FHIT: variants seen among roughly 807,000 people sequenced by gnomAD.
The protein encoded by FHIT is bis(5'-adenosyl)-triphosphatase.
In FHIT, 19 loss-of-function variants were observed where a neutral mutation model predicts 17.9. The observed-to-expected ratio is 1.06, with a 90% confidence interval of 0.74 to 1.56. The LOEUF (loss-of-function observed/expected upper bound fraction) is 1.56. FHIT is among the 40% of genes most tolerant of loss of function. The probability of loss-of-function intolerance (pLI) is 0.00; values close to 1 mark genes in which losing one functional copy is unlikely to be tolerated. For missense variants in FHIT, 248 were observed against 189.2 expected, an observed-to-expected ratio of 1.31 and a Z score of -1.82; for synonymous variants, 81 against 69.7, an observed-to-expected ratio of 1.16 and a Z score of -0.81.
chr3:60,036,480 T>C (rs907375028), intron 5 of FHIT, among the ~76,000 whole-genome samples: 1 of 152,158 alleles, frequency 6.6e-6, no homozygotes, highest in Non-Finnish European at 1.5e-5. Flanking sequence ...GAGAGTTTCA[T>C]CTCCAAAGAC....
chr3:60,370,771 T>A (rs1700294506), intron 5 of FHIT, among the ~76,000 whole-genome samples: 2 of 152,200 alleles, frequency 1.3e-5, no homozygotes, highest in South Asian at 4.1e-4. Flanking sequence ...TCCCACAGCC[T>A]TCAAACTGGT....
intron 1 of FHIT, among the ~76,000 whole-genome samples, chr3:61,214,300 C>T (rs575542796): frequency 1.1e-3 from 162 of 152,124 alleles, no homozygotes; most frequent in Non-Finnish European, 1.6e-3. Flanking sequence ...ATCAAATAGA[C>T]GCAGTAAAAA....
intron 5 of FHIT, among the ~76,000 whole-genome samples, chr3:60,045,115 T>A (rs1393387490): frequency 6.6e-6 from 1 of 152,186 alleles, no homozygotes; most frequent in African/African-American, 2.4e-5. Context: ...TTTCGTAAGA[T>A]GAGTGAGTTC....
At chr3:60,811,845 C>G (rs1701579380) in intron 4 of FHIT, among the ~76,000 whole-genome samples, 1 of 152,028 alleles carries the variant, frequency 6.6e-6, no homozygotes, top group Non-Finnish European at 1.5e-5. Context: ...TTTCTAAGAT[C>G]ATTGTAAAGA....
intron 5 of FHIT, among the ~76,000 whole-genome samples, chr3:60,192,832 C>T (rs1458999839): frequency 6.6e-6 from 1 of 152,266 alleles, no homozygotes; most frequent in African/African-American, 2.4e-5. Flanking sequence ...TTTTCGTAAC[C>T]ACGATCCACA....
At chr3:60,083,190 A>G (rs1412154929) in intron 5 of FHIT, among the ~76,000 whole-genome samples, 1 of 152,150 alleles carries the variant, frequency 6.6e-6, no homozygotes, top group Non-Finnish European at 1.5e-5. Flanking sequence ...ATAGTTAGCC[A>G]GCTATCCCAG....
At chr3:60,253,185 C>G (rs1174597271) in intron 5 of FHIT, among the ~76,000 whole-genome samples, 1 of 152,116 alleles carries the variant, frequency 6.6e-6, no homozygotes, top group Non-Finnish European at 1.5e-5. Context: ...AAAATGCCTA[C>G]TGCCAAAAAA....
chr3:61,200,984 T>C, intron 1 of FHIT, among the ~76,000 whole-genome samples: 1 of 121,548 alleles, frequency 8.2e-6, no homozygotes, highest in East Asian at 3.0e-4. Flanking sequence ...TAAACATGAG[T>C]GTGACATACT....
intron 4 of FHIT, among the ~76,000 whole-genome samples, chr3:60,764,449 A>C (rs911893341): frequency 6.6e-6 from 1 of 151,752 alleles, no homozygotes; most frequent in Admixed American, 6.6e-5. Context: ...CTGCATTAAC[A>C]ATGGAACAGT....
At chr3:60,125,121 A>G (rs2107239122) in intron 5 of FHIT, among the ~76,000 whole-genome samples, 1 of 152,334 alleles carries the variant, frequency 6.6e-6, no homozygotes, top group South Asian at 2.1e-4. Flanking sequence ...CACTCTGTGG[A>G]GAAATCCAGC....
chr3:60,978,130 T>A (rs905036595), intron 3 of FHIT, among the ~76,000 whole-genome samples: 1 of 152,220 alleles, frequency 6.6e-6, no homozygotes, highest in Non-Finnish European at 1.5e-5. Flanking sequence ...AGTTAACACC[T>A]GGGCAATCAT....
In FHIT at chr3:60,142,555, G is replaced by A. The variant is rs188015495; in HGVS notation, c.104-128403C>T. Among the ~76,000 whole-genome samples the A allele has an allele frequency of 9.2e-5, 14 of 152,232 alleles. No homozygotes were observed. In the East Asian group the frequency reaches 2.7e-3, roughly 29 times the overall value. On this transcript the variant is annotated intron_variant, in intron 5 of 9. Transcript: ENST00000492590. ...AGTCTGTTGTCCAGGCTGCAGTGCAGCAGCACGATCATGGCTCACTATAGC... is the reference window on the plus strand; with the variant it reads ...AGTCTGTTGTCCAGGCTGCAGTGCAACAGCACGATCATGGCTCACTATAGC...
intron 5 of FHIT, among the ~76,000 whole-genome samples, chr3:60,184,130 G>A (rs973150042): frequency 7.2e-5 from 11 of 151,800 alleles, no homozygotes; most frequent in South Asian, 6.3e-4. Context: ...TCGGATTACC[G>A]GGCATTATCA....
chr3:60,998,136 C>T (rs2030807613), intron 3 of FHIT, among the ~76,000 whole-genome samples: 1 of 152,106 alleles, frequency 6.6e-6, no homozygotes, highest in African/African-American at 2.4e-5. Flanking sequence ...AGATAGTTCC[C>T]ATAATTTTAA....
intron 8 of FHIT, among the ~76,000 whole-genome samples, chr3:59,904,542 T>C (rs1444944397): frequency 6.6e-6 from 1 of 152,172 alleles, no homozygotes; most frequent in Non-Finnish European, 1.5e-5. Flanking sequence ...ATTTTTCTTC[T>C]CAGTCACTTT....
intron 5 of FHIT, among the ~76,000 whole-genome samples, chr3:60,487,166 C>A (rs1355582878): frequency 6.6e-6 from 1 of 152,176 alleles, no homozygotes; most frequent in Admixed American, 6.5e-5. Context: ...TAGTAAGGGA[C>A]TGAGTAAGAG....
chr3:61,050,695 T>G (rs1007137240), intron 2 of FHIT, among the ~76,000 whole-genome samples: 1 of 152,204 alleles, frequency 6.6e-6, no homozygotes, highest in Non-Finnish European at 1.5e-5. Flanking sequence ...GGCAAGATAT[T>G]GATAATTATT....
At chr3:60,844,520 A>G (rs1401432672) in intron 3 of FHIT, among the ~76,000 whole-genome samples, 1 of 152,108 alleles carries the variant, frequency 6.6e-6, no homozygotes, top group Non-Finnish European at 1.5e-5. Flanking sequence ...TTAAAAAAAA[A>G]TTTCTGCCAC....
chr3:60,810,189 T>C (rs1559740102), intron 4 of FHIT, among the ~76,000 whole-genome samples: 1 of 152,212 alleles, frequency 6.6e-6, no homozygotes, highest in Non-Finnish European at 1.5e-5. Flanking sequence ...CCCTTTAGTT[T>C]TCATCAGCTG....
Sources: gnomAD v4.1 joint callset for allele counts (sites outside exome capture counted in the v4.1 genomes callset) on GRCh38, gnomAD v4.1.1 for gene constraint, MANE v1.5 for transcripts, NCBI Gene and HGNC (gene_info 2026-07-23, HGNC 2026-07-21) for gene names.